Variants in PRKN observed in about 807,000 individuals in gnomAD.
PRKN encodes the protein E3 ubiquitin-protein ligase parkin.
A neutral mutation model predicts 59.5 loss-of-function variants in PRKN; 56 were observed. That is an observed-to-expected ratio of 0.94 (90% confidence interval 0.76 to 1.18). The LOEUF (loss-of-function observed/expected upper bound fraction) is 1.18. PRKN is among the 50% of genes most tolerant of loss of function. The pLI is 0.00. For synonymous variants in PRKN, 250 were observed against 222.1 expected (o/e 1.13, Z -1.12); for missense variants, 657 against 596.4 (o/e 1.10, Z -1.06).
At chr6:161,541,219 T>C (rs188576850) in intron 9 of PRKN, among the ~76,000 whole-genome samples, 2 of 152,328 alleles carry the variant, frequency 1.3e-5, no homozygotes, top group East Asian at 3.9e-4. Flanking sequence ...CACTGAGTGC[T>C]TGGAATGTGG....
At chr6:162,292,690 G>A (rs1256902114) in intron 2 of PRKN, among the ~76,000 whole-genome samples, 1 of 152,204 alleles carries the variant, frequency 6.6e-6, no homozygotes, top group Non-Finnish European at 1.5e-5. Flanking sequence ...GGGTCTGGAT[G>A]AGAGCAGCTG....
intron 6 of PRKN, among the ~76,000 whole-genome samples, chr6:161,832,623 CAA>C (rs529969845): frequency 0.36 from 26,825 of 73,790 alleles, 2,082 homozygotes; most frequent in South Asian, 0.43. Flanking sequence ...GATTCCATCT[CAA>C]AAAAAAAAAA....
intron 7 of PRKN, among the ~76,000 whole-genome samples, chr6:161,665,805 T>C (rs1362293127): frequency 6.6e-6 from 1 of 152,208 alleles, no homozygotes; most frequent in Non-Finnish European, 1.5e-5. Flanking sequence ...GCCCATTGTG[T>C]GAAACGCTGA....
chr6:162,397,343 A>C (rs1273860670), intron 2 of PRKN, among the ~76,000 whole-genome samples: 1 of 152,152 alleles, frequency 6.6e-6, no homozygotes, highest in African/African-American at 2.4e-5. Flanking sequence ...AGTCATGTCT[A>C]GGCCAACATT....
At chr6:162,594,426 A>T (rs950162525) in intron 1 of PRKN, among the ~76,000 whole-genome samples, 2 of 152,162 alleles carry the variant, frequency 1.3e-5, no homozygotes, top group African/African-American at 4.8e-5. Flanking sequence ...TACATGAACA[A>T]GTTCCTTTTA....
At chr6:161,532,160 CTCTCTCTATATATATATA>C (rs1198378796) in intron 9 of PRKN, among the ~76,000 whole-genome samples, 3 of 62,506 alleles carry the variant, frequency 4.8e-5, no homozygotes, top group Non-Finnish European at 9.0e-5. Flanking sequence ...CTCTCTCTCT[CTCTCTCTATATATATATA>C]TATATATATA....
At chr6:161,776,010 C>A (rs966903032) in intron 7 of PRKN, among the ~76,000 whole-genome samples, 2 of 152,160 alleles carry the variant, frequency 1.3e-5, no homozygotes, top group African/African-American at 4.8e-5. Flanking sequence ...AAAAACATAA[C>A]CGATGGACTT....
chr6:161,692,555 A>G (rs144475482), intron 7 of PRKN, among the ~76,000 whole-genome samples: 6 of 152,330 alleles, frequency 3.9e-5, no homozygotes, highest in Admixed American at 2.0e-4. Flanking sequence ...CAGTTTTAGA[A>G]GTAAAAGCTT....
chr6:161,722,057 C>T (rs1057248893), intron 7 of PRKN, among the ~76,000 whole-genome samples: 2 of 152,232 alleles, frequency 1.3e-5, no homozygotes, highest in African/African-American at 4.8e-5. Flanking sequence ...GGGAAACTGG[C>T]CTCTAAATCT....
In PRKN at chr6:161,569,416, G is replaced by T; in HGVS notation, c.872C>A (p.Ala291Asp). 1 of 1,613,216 alleles carries T rather than the reference G, an allele frequency of 6.2e-7. No individual in the cohort carries two copies. Among genetic ancestry groups the T allele is most frequent in the Non-Finnish European group, 8.5e-7 (1 of 1,179,198 alleles). The stretch of plus-strand genomic sequence containing the variant: ...TTTAATCAAGGAGTTGGGACAGCCA[G>T]CTGTTGGAAAGAAGAATTAATCACA... ...PQLGYSLPCV[A>D]GCPNSLIKEL... The change falls in exon 8 of 12, where the codon GCT becomes GAT. Residue 291 changes from alanine (A) to aspartate (D), a missense_variant and splice_region_variant. Ala to Asp is a moderately radical substitution (Grantham distance 126). Transcript: ENST00000366898.
chr6:161,649,325 G>T (rs1483189090), intron 7 of PRKN, among the ~76,000 whole-genome samples: 4 of 152,182 alleles, frequency 2.6e-5, no homozygotes, highest in African/African-American at 7.2e-5. Context: ...CTGAGAACCA[G>T]GGCCATTCAA....
chr6:161,830,027 C>T (rs1228802330), intron 6 of PRKN, among the ~76,000 whole-genome samples: 1 of 152,088 alleles, frequency 6.6e-6, no homozygotes, highest in African/African-American at 2.4e-5. Context: ...CCCTTTGTCC[C>T]TACTACCATC....
At chr6:162,446,834 C>G (rs1302509649) in intron 1 of PRKN, among the ~76,000 whole-genome samples, 1 of 152,128 alleles carries the variant, frequency 6.6e-6, no homozygotes, top group African/African-American at 2.4e-5. Flanking sequence ...TCTGTACCAG[C>G]CCCTGAACTC....
chr6:161,897,031 T>C (rs1396996006), intron 6 of PRKN, among the ~76,000 whole-genome samples: 4 of 152,336 alleles, frequency 2.6e-5, no homozygotes, highest in Middle Eastern at 3.4e-3. Flanking sequence ...ACCGATGATA[T>C]AGTTTTCTGA....
At chr6:161,406,856 G>A (rs1444568996) in intron 9 of PRKN, among the ~76,000 whole-genome samples, 15 of 152,134 alleles carry the variant, frequency 9.9e-5, no homozygotes, top group Non-Finnish European at 2.2e-4. Context: ...AATGAATTAT[G>A]TCAACACAAT....
intron 9 of PRKN, among the ~76,000 whole-genome samples, chr6:161,542,042 C>A (rs962714641): frequency 2.6e-5 from 4 of 152,184 alleles, no homozygotes; most frequent in African/African-American, 9.6e-5. Context: ...CCAACCCCTC[C>A]TCTTCCTCCT....
chr6:162,109,623 T>C (rs1780337299), intron 4 of PRKN, among the ~76,000 whole-genome samples: 1 of 152,156 alleles, frequency 6.6e-6, no homozygotes, highest in South Asian at 2.1e-4. Flanking sequence ...TTTTCACCAG[T>C]TCTTAGTGAG....
intron 3 of PRKN, among the ~76,000 whole-genome samples, chr6:162,255,996 C>T (rs186451460): frequency 5.3e-5 from 8 of 152,220 alleles, no homozygotes; most frequent in Admixed American, 2.6e-4. Flanking sequence ...AAAGATTGAG[C>T]ATTAATTTGC....
At chr6:162,580,590 A>G (rs1285301281) in intron 1 of PRKN, among the ~76,000 whole-genome samples, 2 of 151,712 alleles carry the variant, frequency 1.3e-5, no homozygotes, top group Non-Finnish European at 2.9e-5. Context: ...AATCTGTACG[A>G]TGCCCCCCAG....
Sources: gnomAD v4.1 joint callset for allele counts (sites outside exome capture counted in the v4.1 genomes callset) on GRCh38, gnomAD v4.1.1 for gene constraint, MANE v1.5 for transcripts, NCBI Gene and HGNC (gene_info 2026-07-23, HGNC 2026-07-21) for gene names.